Variants in CCSER1 observed in about 807,000 individuals in gnomAD.
CCSER1 encodes the protein coiled-coil serine rich protein 1.
In CCSER1, 41 loss-of-function variants were observed where a neutral mutation model predicts 82.0. That is an observed-to-expected ratio of 0.50 (90% confidence interval 0.39 to 0.65). CCSER1 has a LOEUF of 0.65. Among genes scored for constraint, CCSER1 ranks in the 30% least tolerant of loss-of-function variants. The probability of loss-of-function intolerance (pLI) is 0.00; values close to 1 mark genes in which losing one functional copy is unlikely to be tolerated. For missense variants in CCSER1, 1,119 were observed against 1,064.2 expected (o/e 1.05, Z -0.72); for synonymous variants, 414 against 383.9 (o/e 1.08, Z -0.92).
intron 3 of CCSER1, among the ~76,000 whole-genome samples, chr4:90,399,261 T>G (rs1230494585): frequency 6.6e-6 from 1 of 152,116 alleles, no homozygotes; most frequent in Non-Finnish European, 1.5e-5. Flanking sequence ...GACTTCTCAG[T>G]GTAGCCTTCT....
chr4:91,491,812 A>G (rs1428749516), intron 10 of CCSER1, among the ~76,000 whole-genome samples: 1 of 152,078 alleles, frequency 6.6e-6, no homozygotes, highest in Admixed American at 6.6e-5. Context: ...AATGTTTACA[A>G]TGACAATGAT....
chr4:90,771,279 T>G (rs1248725409), intron 7 of CCSER1, among the ~76,000 whole-genome samples: 1 of 152,034 alleles, frequency 6.6e-6, no homozygotes, highest in Non-Finnish European at 1.5e-5. Flanking sequence ...GATACTTTGC[T>G]TATAAAATAT....
At chr4:91,419,921 G>A (rs1222446050) in intron 10 of CCSER1, among the ~76,000 whole-genome samples, 1 of 151,992 alleles carries the variant, frequency 6.6e-6, no homozygotes, top group Admixed American at 6.6e-5. Flanking sequence ...AAAAAGCTTT[G>A]ACAAGAGCAC....
At chr4:91,349,539 G>T (rs1358619909) in intron 10 of CCSER1, among the ~76,000 whole-genome samples, 1 of 152,084 alleles carries the variant, frequency 6.6e-6, no homozygotes. Context: ...TCCAAGTTCT[G>T]TTTTGAAGTC....
At chr4:91,321,470 A>G (rs1746190053) in intron 10 of CCSER1, among the ~76,000 whole-genome samples, 1 of 152,116 alleles carries the variant, frequency 6.6e-6, no homozygotes, top group African/African-American at 2.4e-5. Flanking sequence ...AGCTTAACAT[A>G]AGCAATCATT....
chr4:91,037,038 C>G (rs1741494041), intron 9 of CCSER1, among the ~76,000 whole-genome samples: 1 of 152,088 alleles, frequency 6.6e-6, no homozygotes, highest in Admixed American at 6.6e-5. Flanking sequence ...GATCGTGTCA[C>G]TGCACCCCAG....
chr4:91,220,759 GA>G (rs981367487), intron 10 of CCSER1, among the ~76,000 whole-genome samples: 4 of 151,036 alleles, frequency 2.6e-5, no homozygotes, highest in Admixed American at 2.6e-4. Context: ...TACACTTACT[GA>G]AAAAAAAGGA....
intron 8 of CCSER1, among the ~76,000 whole-genome samples, chr4:90,893,919 A>G (rs774043132): frequency 1.3e-5 from 2 of 151,874 alleles, no homozygotes; most frequent in Non-Finnish European, 2.9e-5. Flanking sequence ...ATTTTATGTT[A>G]TTTTATTGTT....
chr4:91,140,922 A>C (rs1728963002), intron 10 of CCSER1, among the ~76,000 whole-genome samples: 1 of 152,124 alleles, frequency 6.6e-6, no homozygotes, highest in South Asian at 2.1e-4. Flanking sequence ...AGTAGTGAGA[A>C]GAGCATCCAA....
At chr4:91,462,064 G>C (rs1024811836) in intron 10 of CCSER1, among the ~76,000 whole-genome samples, 2 of 152,142 alleles carry the variant, frequency 1.3e-5, no homozygotes, top group Non-Finnish European at 2.9e-5. Context: ...GGGATAAAAA[G>C]ATGTAAGGGG....
At chr4:91,147,787 A>G (rs377585069) in intron 10 of CCSER1, among the ~76,000 whole-genome samples, 3 of 152,342 alleles carry the variant, frequency 2.0e-5, no homozygotes, top group East Asian at 3.9e-4. Context: ...AAATATATTC[A>G]TGATAAAAAT....
intron 1 of CCSER1, among the ~76,000 whole-genome samples, chr4:90,227,619 C>T (rs1179398860): frequency 6.6e-6 from 1 of 152,164 alleles, no homozygotes; most frequent in Non-Finnish European, 1.5e-5. Context: ...GGGGGAGGAG[C>T]CAAGATGGCC....
At chr4:90,505,414 A>G (rs919555701) in intron 5 of CCSER1, among the ~76,000 whole-genome samples, 4 of 152,196 alleles carry the variant, frequency 2.6e-5, no homozygotes, top group Non-Finnish European at 5.9e-5. Context: ...AGTTGAATCT[A>G]GACTATGGGA....
intron 1 of CCSER1, among the ~76,000 whole-genome samples, chr4:90,149,289 G>A (rs1726375425): frequency 6.6e-6 from 1 of 152,092 alleles, no homozygotes; most frequent in South Asian, 2.1e-4. Context: ...ATGCAGTAGG[G>A]CTCTCAACCA....
At chr4:91,108,504 C>CT (rs1297273049) in intron 10 of CCSER1, among the ~76,000 whole-genome samples, 1 of 152,076 alleles carries the variant, frequency 6.6e-6, no homozygotes, top group African/African-American at 2.4e-5. Context: ...TAACTGATAC[C>CT]ATTGTCAAAC....
At chr4:91,022,248 G>C (rs1215855459) in intron 9 of CCSER1, among the ~76,000 whole-genome samples, 1 of 149,404 alleles carries the variant, frequency 6.7e-6, no homozygotes, top group African/African-American at 2.5e-5. Context: ...GAGAACATGC[G>C]GTGTTTGGTT....
rs28464237 is a variant in CCSER1, at chr4:90,278,710, G to C, written c.-41-29534G>C. ...GATGGAAGGGGGCAAGGGCTGAAAA[G>C]TTTCCTCTTGGGTACTATGCTCACT... On this transcript the variant is annotated intron_variant, in intron 1 of 10. Coordinates refer to ENST00000509176, the MANE Select transcript of CCSER1 (RefSeq NM_001145065.2). 6.2e-3 allele frequency among the ~76,000 whole-genome samples: 947 copies of C among 152,068 alleles called. 8 individuals carry two copies. The highest frequency in any genetic ancestry group is 0.022 in the African/African-American group (920 of 41,500).
chr4:90,266,743 A>G (rs1165730043), intron 1 of CCSER1, among the ~76,000 whole-genome samples: 2 of 152,030 alleles, frequency 1.3e-5, no homozygotes, highest in Non-Finnish European at 2.9e-5. Flanking sequence ...GACTAGCCCT[A>G]GCCAGAGAGA....
rs373120978 is a variant in CCSER1, at chr4:91,182,811, G to T, written c.2217+96817G>T. ...ACATAAACTAGTCTCCCAAATGAGG[G>T]AACATGTGTGACATCCATTTGCCAA... On this transcript the variant is annotated intron_variant, in intron 10 of 10. Transcript: ENST00000509176. Among the ~76,000 whole-genome samples, 174 of 152,296 alleles carry T rather than the reference G, an allele frequency of 1.1e-3. 2 individuals are homozygous for T. Among genetic ancestry groups the T allele is most frequent in the African/African-American group, 3.9e-3 (163 of 41,566 alleles).
Sources: gnomAD v4.1 joint callset for allele counts (sites outside exome capture counted in the v4.1 genomes callset) on GRCh38, gnomAD v4.1.1 for gene constraint, MANE v1.5 for transcripts, NCBI Gene and HGNC (gene_info 2026-07-23, HGNC 2026-07-21) for gene names.